Variants in PRR16 observed in about 807,000 individuals in gnomAD.
PRR16 encodes the protein proline rich 16.
PRR16 carries 6 observed loss-of-function variants against 18.2 expected under a neutral mutation model. The observed-to-expected ratio is 0.33, with a 90% confidence interval of 0.18 to 0.65. The LOEUF is 0.65. PRR16 is among the 30% of genes least tolerant of loss of function. PRR16 has a pLI of 0.74. For missense variants in PRR16, 412 were observed against 376.6 expected (o/e 1.09, Z -0.78); for synonymous variants, 151 against 147.8 (o/e 1.02, Z -0.16).
the PRR16 span, among the ~76,000 whole-genome samples, chr5:120,699,223 T>C: frequency 6.6e-6 from 1 of 152,160 alleles, no homozygotes; most frequent in African/African-American, 2.4e-5. Flanking sequence ...TCCTTGAGGA[T>C]AGATTTCCAC....
intron 1 of PRR16, among the ~76,000 whole-genome samples, chr5:120,615,929 C>T (rs1313307367): frequency 6.6e-6 from 1 of 152,020 alleles, no homozygotes; most frequent in Non-Finnish European, 1.5e-5. Context: ...AGTTAAACTC[C>T]TTGAGCTTAT....
the PRR16 span, among the ~76,000 whole-genome samples, chr5:120,769,879 T>C: frequency 0.14 from 21,883 of 151,876 alleles, 2,315 homozygotes; most frequent in African/African-American, 0.3. Flanking sequence ...TTGTTTTCTT[T>C]TGATTTTTTA....
chr5:120,519,460 C>A (rs2112649345), intron 1 of PRR16, among the ~76,000 whole-genome samples: 2 of 152,154 alleles, frequency 1.3e-5, no homozygotes, highest in East Asian at 3.9e-4. Context: ...ATGAAATAAA[C>A]CATTTTTCTC....
At chr5:120,669,194 G>A (rs948066894) in intron 1 of PRR16, among the ~76,000 whole-genome samples, 1 of 152,026 alleles carries the variant, frequency 6.6e-6, no homozygotes, top group African/African-American at 2.4e-5. Context: ...TGCTCAATCA[G>A]TTTTTAAAAT....
chr5:120,624,993 G>A (rs1245769232), intron 1 of PRR16, among the ~76,000 whole-genome samples: 1 of 152,148 alleles, frequency 6.6e-6, no homozygotes, highest in Non-Finnish European at 1.5e-5. Context: ...CGCCATGATT[G>A]TGAGACCTCC....
At chr5:120,553,627 T>C (rs1021109051) in intron 1 of PRR16, among the ~76,000 whole-genome samples, 2 of 151,888 alleles carry the variant, frequency 1.3e-5, no homozygotes, top group African/African-American at 4.8e-5. Flanking sequence ...TTTCAAAAGT[T>C]GGTAATCTCT....
At position 120,686,485 on chromosome 5, in the gene PRR16, G is replaced by T. The variant is rs1187545953; in HGVS notation, c.691G>T (p.Val231Phe). ...CCGGTATAACATAAAAAACAGGGAG[G>T]TCCACTTACACAGTGAACCTGTCCA... ...DTRYNIKNRE[V>F]HLHSEPVHPP... is the part of the protein sequence containing the mutation. The change falls in exon 2 of 2, where the codon GTC (valine) becomes TTC (phenylalanine). Residue 231 changes from valine (V) to phenylalanine (F), a missense_variant. By Grantham distance (50) the Val-to-Phe change is conservative (BLOSUM62 -1). Transcript: ENST00000407149. The T allele has an allele frequency of 3.7e-6, 6 of 1,613,822 alleles. No individual in the cohort carries two copies. The highest frequency in any genetic ancestry group is 1.3e-5 in the African/African-American group (1 of 74,840).
At chr5:120,624,844 A>G (rs1407881913) in intron 1 of PRR16, among the ~76,000 whole-genome samples, 3 of 151,998 alleles carry the variant, frequency 2.0e-5, no homozygotes, top group Non-Finnish European at 4.4e-5. Flanking sequence ...TGATTGAATC[A>G]TGGGGGGTGG....
At chr5:120,744,059 C>A in the PRR16 span, among the ~76,000 whole-genome samples, 1 of 151,950 alleles carries the variant, frequency 6.6e-6, no homozygotes, top group Admixed American at 6.6e-5. Flanking sequence ...AATGGACTCA[C>A]TGTACAATGT....
At chr5:120,793,544 G>GA in the PRR16 span, among the ~76,000 whole-genome samples, 9 of 151,950 alleles carry the variant, frequency 5.9e-5, no homozygotes, top group East Asian at 1.9e-4. Flanking sequence ...TGTGCAAAGA[G>GA]AAAAAAGAGA....
At chr5:120,494,800 T>G (rs1425904330) in intron 1 of PRR16, among the ~76,000 whole-genome samples, 2 of 152,132 alleles carry the variant, frequency 1.3e-5, no homozygotes, top group Non-Finnish European at 2.9e-5. Flanking sequence ...TGTGTCGTTT[T>G]GCTTAAGGAT....
downstream of PRR16, among the ~76,000 whole-genome samples, chr5:120,688,912 G>A (rs527704032): frequency 1.3e-5 from 2 of 152,198 alleles, no homozygotes; most frequent in African/African-American, 2.4e-5. Context: ...TTCCAAATCC[G>A]TTTCTCTTTC....
chr5:120,758,974 CTTTTTTT>C, the PRR16 span, among the ~76,000 whole-genome samples: 422 of 110,354 alleles, frequency 3.8e-3, 5 homozygotes, highest in Admixed American at 0.015. Context: ...ACCATAATTT[CTTTTTTT>C]TTTTTTTTTT....
In PRR16 at chr5:120,545,351, A is replaced by C. The variant is rs146808818; in HGVS notation, c.159+80706A>C. ...ATATTATTACTAGACACTTTATTTG[A>C]AATAAATCAGTGTTCTCTACATAAT... On this transcript the variant is annotated intron_variant, in intron 1 of 1. Coordinates refer to ENST00000407149, the MANE Select transcript of PRR16 (RefSeq NM_001300783.2). Among the ~76,000 whole-genome samples, 1,122 of 152,242 alleles carry C rather than the reference A, an allele frequency of 7.4e-3. 13 individuals carry two copies. Among genetic ancestry groups the C allele is most frequent in the African/African-American group, 0.026 (1,071 of 41,560 alleles).
At chr5:120,666,669 G>T (rs1195455199) in intron 1 of PRR16, among the ~76,000 whole-genome samples, 5 of 150,858 alleles carry the variant, frequency 3.3e-5, no homozygotes, top group African/African-American at 1.2e-4. Context: ...TTAGCATGAA[G>T]GGTTGTTGAA....
chr5:120,776,089 G>T, the PRR16 span, among the ~76,000 whole-genome samples: 1 of 152,096 alleles, frequency 6.6e-6, no homozygotes, highest in Non-Finnish European at 1.5e-5. Flanking sequence ...CTGGGGCCTT[G>T]TCTCTCACTG....
chr5:120,666,115 G>T (rs543555038), intron 1 of PRR16, among the ~76,000 whole-genome samples: 1 of 152,090 alleles, frequency 6.6e-6, no homozygotes, highest in African/African-American at 2.4e-5. Context: ...CCATTTCTTT[G>T]TATCCTCTTT....
chr5:120,740,312 A>G, the PRR16 span, among the ~76,000 whole-genome samples: 9 of 152,282 alleles, frequency 5.9e-5, no homozygotes, highest in African/African-American at 2.2e-4. Context: ...TGGAATTCAT[A>G]AAACATTTAT....
the PRR16 span, among the ~76,000 whole-genome samples, chr5:120,783,377 A>G: frequency 6.6e-6 from 1 of 152,104 alleles, no homozygotes; most frequent in South Asian, 2.1e-4. Flanking sequence ...ATATATCCAC[A>G]TAATAGCCAA....
Sources: gnomAD v4.1 joint callset for allele counts (sites outside exome capture counted in the v4.1 genomes callset) on GRCh38, gnomAD v4.1.1 for gene constraint, MANE v1.5 for transcripts, NCBI Gene and HGNC (gene_info 2026-07-23, HGNC 2026-07-21) for gene names.